Variants in KCNJ6 observed in about 807,000 individuals in gnomAD.
KCNJ6 encodes the protein potassium inwardly rectifying channel subfamily J member 6.
In KCNJ6, 9 loss-of-function variants were observed where a neutral mutation model predicts 34.2. The observed-to-expected ratio is 0.26, with a 90% CI of 0.16 to 0.46. KCNJ6 has a LOEUF of 0.46. KCNJ6 is among the 20% of genes least tolerant of loss of function. KCNJ6 has a pLI of 1.00. For missense variants in KCNJ6, 236 were observed against 531.3 expected, an observed-to-expected ratio of 0.44 and a Z score of 5.46; for synonymous variants, 196 against 207.1, an observed-to-expected ratio of 0.95 and a Z score of 0.46.
intron 3 of KCNJ6, among the ~76,000 whole-genome samples, chr21:37,669,926 A>G (rs1268878600): frequency 6.6e-6 from 1 of 152,208 alleles, no homozygotes; most frequent in Non-Finnish European, 1.5e-5. Context: ...TGTCACAGCT[A>G]AGAATCCATT....
At chr21:37,727,828 C>A (rs531109775) in intron 2 of KCNJ6, among the ~76,000 whole-genome samples, 47 of 152,230 alleles carry the variant, frequency 3.1e-4, no homozygotes, top group Middle Eastern at 3.4e-3. Flanking sequence ...CAAACTGGCT[C>A]ATTTTTGAGT....
At position 37,714,713 on chromosome 21, in the gene KCNJ6, C is replaced by T. The variant is rs755617760; in HGVS notation, c.444G>A (p.Glu148=). 1.9e-6 allele frequency: 3 copies of T among 1,613,944 alleles called. No homozygotes were observed. In the African/African-American group the frequency reaches 4.0e-5, roughly 22 times the overall value. Residue 148 remains glutamate (E), a synonymous_variant, in exon 3 of 4, where the codon GAG becomes GAA. Coordinates refer to ENST00000609713, the MANE Select transcript of KCNJ6 (RefSeq NM_002240.5). The surrounding 1 kb of genome is among the most constrained non-coding windows in gnomAD (Gnocchi z 5.9). ...AGCCATAACCAATGGTGGTTTCTGT[C>T]TCTATTGAGAATAAAAAAGCAGAGA... ...GFVSAFLFSI[E]TETTIGYGYR...
At chr21:37,801,607 C>T (rs534336440) in intron 2 of KCNJ6, among the ~76,000 whole-genome samples, 2 of 152,344 alleles carry the variant, frequency 1.3e-5, no homozygotes, top group East Asian at 3.9e-4. Context: ...GTCTCCCTGA[C>T]TCAGCTTCTC....
At position 37,695,922 on chromosome 21, in the gene KCNJ6, G is replaced by A. The variant is rs2054661498; in HGVS notation, c.946+18289C>T. Among the ~76,000 whole-genome samples the A allele has an allele frequency of 6.6e-6, 1 of 152,176 alleles. No individual in the cohort carries two copies. ...ACACACAAAATGATTATGTTCAAAG[G>A]GCAAAGAGCCACTAGAAAGGGATCC... On this transcript the variant is annotated intron_variant, in intron 3 of 3. Coordinates refer to ENST00000609713, the MANE Select transcript of KCNJ6 (RefSeq NM_002240.5). The surrounding 1 kb of genome is among the most constrained non-coding windows in gnomAD (Gnocchi z 4.2).
rs2054235958 is a variant in KCNJ6 at position 37,609,691 on chromosome 21, GCTTTTTGC to G, written c.*15460_*15467del. The G allele has an allele frequency of 6.6e-6, 1 of 152,276 alleles. No homozygotes were observed. The highest frequency in any genetic ancestry group is 1.5e-5 in the Non-Finnish European group (1 of 68,018). The allele number at this position is 152,276 out of a possible 1,614,324, so 9.4% of individuals were successfully genotyped here. On this transcript the variant is annotated 3_prime_UTR_variant, in exon 4 of 4. Coordinates refer to ENST00000609713, the MANE Select transcript of KCNJ6 (RefSeq NM_002240.5). ...GCTTAATTAAAATATTATGGTTTAA[GCTTTTTGC>G]CTCCTTAATTATCCTGTCTGGTTTA...
At chr21:37,769,890 T>C (rs1317858724) in intron 2 of KCNJ6, among the ~76,000 whole-genome samples, 1 of 152,124 alleles carries the variant, frequency 6.6e-6, no homozygotes, top group East Asian at 1.9e-4. Context: ...GTGAGGACAG[T>C]GTTCCTCCCC....
At chr21:37,747,402 A>T (rs2054972796) in intron 2 of KCNJ6, among the ~76,000 whole-genome samples, 1 of 152,240 alleles carries the variant, frequency 6.6e-6, no homozygotes, top group Admixed American at 6.5e-5. Context: ...TTTATTAGGA[A>T]AAGCTGGCAA....
At chr21:37,764,383 CTT>C (rs376267192) in intron 2 of KCNJ6, among the ~76,000 whole-genome samples, 2 of 145,116 alleles carry the variant, frequency 1.4e-5, no homozygotes, top group Non-Finnish European at 3.0e-5. Flanking sequence ...AAGATATTTA[CTT>C]TTTTTTTTTT....
intron 2 of KCNJ6, among the ~76,000 whole-genome samples, chr21:37,780,393 A>C (rs530837978): frequency 8.5e-5 from 13 of 152,344 alleles, no homozygotes; most frequent in African/African-American, 2.6e-4. Context: ...AATGGTGGCT[A>C]CTTAAACATC....
intron 3 of KCNJ6, among the ~76,000 whole-genome samples, chr21:37,645,850 C>T (rs1336655952): frequency 6.6e-6 from 1 of 151,990 alleles, no homozygotes; most frequent in Non-Finnish European, 1.5e-5. Context: ...TCAAGAGGTC[C>T]AGAGTCCAGT....
intron 2 of KCNJ6, among the ~76,000 whole-genome samples, chr21:37,727,889 A>G (rs1379887748): frequency 6.8e-6 from 1 of 147,720 alleles, no homozygotes; most frequent in Admixed American, 6.7e-5. Flanking sequence ...TTGAATCTGC[A>G]TCTAGCAACA....
intron 1 of KCNJ6, among the ~76,000 whole-genome samples, chr21:37,884,348 G>T (rs1248677529): frequency 6.6e-6 from 1 of 152,148 alleles, no homozygotes; most frequent in Admixed American, 6.5e-5. Flanking sequence ...TTGCTGGGCT[G>T]GCGGGCTACC....
chr21:37,679,374 T>C (rs1311546289), intron 3 of KCNJ6, among the ~76,000 whole-genome samples: 3 of 152,214 alleles, frequency 2.0e-5, no homozygotes, highest in Admixed American at 2.0e-4. Context: ...CTTGGACAAG[T>C]TAATTCACTC....
At chr21:37,762,793 G>A (rs375854171) in intron 2 of KCNJ6, among the ~76,000 whole-genome samples, 35 of 152,298 alleles carry the variant, frequency 2.3e-4, no homozygotes, top group African/African-American at 8.4e-4. Flanking sequence ...AGGTTTTAAA[G>A]ATTCCAGTGC....
At chr21:37,857,775 A>C (rs910764168) in intron 1 of KCNJ6, among the ~76,000 whole-genome samples, 5 of 152,198 alleles carry the variant, frequency 3.3e-5, no homozygotes, top group African/African-American at 1.2e-4. Context: ...AAAAAAAGAC[A>C]AGCTGGAAGC....
chr21:37,612,789 T>C lies in KCNJ6; in HGVS notation c.*12370A>G, dbSNP rs1300294231. ...ACAAACACTTTTCACAAAAATTAAC[T>C]CAAAATCGGTCACAGATCTAATGTA... is the stretch of plus-strand genomic sequence containing the variant. On this transcript the variant is annotated 3_prime_UTR_variant, in exon 4 of 4. Transcript: ENST00000609713. 3 of 143,394 alleles carry C rather than the reference T, an allele frequency of 2.1e-5. No individual in the cohort carries two copies. The highest frequency in any genetic ancestry group is 4.5e-5 in the Non-Finnish European group (3 of 66,052). 8.9% of individuals were successfully genotyped at this position (143,394 alleles called of 1,614,324 possible).
At chr21:37,704,156 G>A (rs1393781266) in intron 3 of KCNJ6, among the ~76,000 whole-genome samples, 1 of 152,206 alleles carries the variant, frequency 6.6e-6, no homozygotes, top group African/African-American at 2.4e-5. Context: ...GGAACAAAAA[G>A]AAATTCTGCT....
intron 1 of KCNJ6, among the ~76,000 whole-genome samples, chr21:37,913,835 T>G (rs1187138592): frequency 6.6e-6 from 1 of 151,856 alleles, no homozygotes; most frequent in East Asian, 1.9e-4. Context: ...AAGAAAGAAA[T>G]AACAAACTTG....
At chr21:37,824,968 C>T (rs1441894036) in intron 2 of KCNJ6, among the ~76,000 whole-genome samples, 4 of 152,056 alleles carry the variant, frequency 2.6e-5, no homozygotes, top group South Asian at 2.1e-4. Context: ...CGTGGGTTTA[C>T]TCCCCAGTTT....
Sources: allele counts gnomAD v4.1 joint callset (sites outside exome capture counted in the v4.1 genomes callset), GRCh38; gene constraint gnomAD v4.1.1; non-coding constraint Gnocchi (gnomAD v3.1); transcripts MANE v1.5; gene names NCBI Gene and HGNC (gene_info 2026-07-23, HGNC 2026-07-21).